Variants in SFXN5 observed in about 807,000 individuals in gnomAD.
SFXN5 encodes sideroflexin-5.
A neutral mutation model predicts 50.2 loss-of-function variants in SFXN5; 43 were observed. The observed-to-expected ratio is 0.86, with a 90% confidence interval of 0.67 to 1.11. The LOEUF (loss-of-function observed/expected upper bound fraction) is 1.11, where lower values mean the gene tolerates loss of function less well. Ranked by LOEUF, SFXN5 falls within the 50% of genes least tolerant of loss-of-function variation. The pLI, the probability that SFXN5 is intolerant of heterozygous loss-of-function variation, is 0.00. For missense variants in SFXN5, 463 were observed against 454.1 expected, an observed-to-expected ratio of 1.02 and a Z score of -0.18; for synonymous variants, 203 against 185.8, an observed-to-expected ratio of 1.09 and a Z score of -0.75.
At chr2:73,047,267 T>C (rs1318358547) in intron 2 of SFXN5, among the ~76,000 whole-genome samples, 81 of 77,572 alleles carry the variant, frequency 1.0e-3, no homozygotes, top group African/African-American at 4.5e-3. Flanking sequence ...TATATATATA[T>C]ATATATATAC....
At chr2:73,037,420 G>A (rs1039580701) in intron 3 of SFXN5, among the ~76,000 whole-genome samples, 4 of 152,166 alleles carry the variant, frequency 2.6e-5, no homozygotes, top group African/African-American at 7.2e-5. Flanking sequence ...GAAAACCTAC[G>A]TGTCAGCCTA....
At chr2:73,071,555 G>T in intron 1 of SFXN5, 49 bp downstream of exon 1, 1 of 1,562,500 alleles carries the variant, frequency 6.4e-7, no homozygotes, top group Non-Finnish European at 8.7e-7. Context: ...GAGTTTGCTC[G>T]TCCTCTCTTT....
intron 3 of SFXN5, among the ~76,000 whole-genome samples, chr2:73,038,424 A>G: frequency 6.6e-6 from 1 of 152,212 alleles, no homozygotes; most frequent in East Asian, 1.9e-4. Context: ...GGCCTAGGTC[A>G]TTACCGTACA....
At chr2:73,051,212 A>G (rs1019679442) in intron 2 of SFXN5, among the ~76,000 whole-genome samples, 1 of 147,238 alleles carries the variant, frequency 6.8e-6, no homozygotes, top group African/African-American at 2.5e-5. Context: ...CCTCATCTGA[A>G]TTGCCTTTAT....
intron 2 of SFXN5, among the ~76,000 whole-genome samples, chr2:73,047,271 T>TACACAC (rs1559199861): frequency 4.5e-4 from 32 of 71,124 alleles, no homozygotes; most frequent in Non-Finnish European, 7.1e-4. Flanking sequence ...TATATATATA[T>TACACAC]ATATACACAC....
At chr2:73,062,848 T>A (rs1270897129) in intron 1 of SFXN5, among the ~76,000 whole-genome samples, 2 of 152,146 alleles carry the variant, frequency 1.3e-5, no homozygotes, top group Non-Finnish European at 2.9e-5. Flanking sequence ...AAGGGATGGA[T>A]GAGTTTACCT....
chr2:73,046,285 T>C (rs755845736), intron 2 of SFXN5, among the ~76,000 whole-genome samples: 44 of 151,884 alleles, frequency 2.9e-4, no homozygotes, highest in Admixed American at 6.6e-5. Context: ...GGCACACACC[T>C]GTAGTCCCAG....
At chr2:72,988,680 G>C (rs190610072) in intron 9 of SFXN5, among the ~76,000 whole-genome samples, 21 of 152,246 alleles carry the variant, frequency 1.4e-4, no homozygotes, top group African/African-American at 4.6e-4. Flanking sequence ...ATAGGATGCT[G>C]TGGCAGTTGC....
At chr2:72,999,874 A>C (rs540001569) in intron 8 of SFXN5, among the ~76,000 whole-genome samples, 1 of 152,186 alleles carries the variant, frequency 6.6e-6, no homozygotes, top group Non-Finnish European at 1.5e-5. Flanking sequence ...GCAGGGGCCC[A>C]GCAGCCCTTC....
At chr2:72,991,388 C>A (rs771480797) in intron 9 of SFXN5, among the ~76,000 whole-genome samples, 7 of 152,262 alleles carry the variant, frequency 4.6e-5, no homozygotes, top group Non-Finnish European at 7.3e-5. Flanking sequence ...AACGTGCCTG[C>A]GCCCAAGAAA....
intron 13 of SFXN5, among the ~76,000 whole-genome samples, chr2:72,946,883 C>G (rs752487932): frequency 1.2e-4 from 19 of 152,168 alleles, no homozygotes; most frequent in Non-Finnish European, 2.5e-4. Context: ...GTCAGACTCC[C>G]GCGCCACCCT....
chr2:73,057,489 G>A (rs1028892372), intron 2 of SFXN5, among the ~76,000 whole-genome samples: 2 of 152,182 alleles, frequency 1.3e-5, no homozygotes, highest in African/African-American at 4.8e-5. Context: ...CCTGCATACT[G>A]TAGGATTCCA....
At chr2:73,068,524 G>C (rs1164808954) in intron 1 of SFXN5, among the ~76,000 whole-genome samples, 1 of 152,078 alleles carries the variant, frequency 6.6e-6, no homozygotes, top group Non-Finnish European at 1.5e-5. Flanking sequence ...AGATCCCTAA[G>C]GGACAATTTG....
chr2:72,990,478 G>A (rs1383189855), intron 9 of SFXN5, among the ~76,000 whole-genome samples: 1 of 152,170 alleles, frequency 6.6e-6, no homozygotes, highest in Non-Finnish European at 1.5e-5. Context: ...AGTGTGGGAG[G>A]AAGCTGGAGG....
Position 73,071,711 on chromosome 2 carries a change from C to G in SFXN5, c.-6G>C, listed in dbSNP as rs774805520. 2 of 1,611,288 alleles carry G rather than the reference C, an allele frequency of 1.2e-6. No individual in the cohort carries two copies. The highest frequency in any genetic ancestry group is 3.3e-5 in the Admixed American group (2 of 59,880). ...GTAGTCGCTGTATCCGCCATGGCCACTGACGCCCGCAATCTCCGGCCCTTT... is the reference window on the plus strand; with the variant it reads ...GTAGTCGCTGTATCCGCCATGGCCAGTGACGCCCGCAATCTCCGGCCCTTT... On this transcript the variant is annotated 5_prime_UTR_variant, in exon 1 of 14. Coordinates refer to ENST00000272433, the MANE Select transcript of SFXN5 (RefSeq NM_144579.3).
At chr2:73,040,736 T>C in intron 3 of SFXN5, 118 bp downstream of exon 3, 1 of 728,974 alleles carries the variant, frequency 1.4e-6, no homozygotes, top group Admixed American at 2.8e-5. Flanking sequence ...CAGGGGTATG[T>C]ACCAGCAGAA....
chr2:72,977,237 T>C (rs747919171), intron 10 of SFXN5, among the ~76,000 whole-genome samples: 5 of 152,204 alleles, frequency 3.3e-5, no homozygotes, highest in Non-Finnish European at 5.9e-5. Flanking sequence ...GGAAGCACCC[T>C]GGATGCCCCG....
intron 2 of SFXN5, among the ~76,000 whole-genome samples, chr2:73,043,616 A>G (rs1402538737): frequency 6.6e-6 from 1 of 152,170 alleles, no homozygotes; most frequent in African/African-American, 2.4e-5. Context: ...CCAAATATGG[A>G]AGGGCCTAGC....
At position 72,961,003 on chromosome 2, in the gene SFXN5, C is replaced by A. The variant is rs543228570; in HGVS notation, c.945+128G>T. The A allele has an allele frequency of 4.2e-4, 248 of 589,512 alleles. No homozygotes were observed. The African/African-American group carries it at 4.6e-3, about 11-fold the overall frequency. 36.5% of individuals were successfully genotyped at this position (589,512 alleles called of 1,614,324 possible). A position where few individuals can be genotyped will look rare whatever the true frequency, so the allele number is the denominator to read the frequency against. ...CTCTGAGGGCCAGAGCCTGGGCCAG[C>A]CTCATTCACGGTTCCAGCCCCAGCG... On this transcript the variant is annotated intron_variant, in intron 13 of 13. Transcript: ENST00000272433. This position sits in a 1 kb window ranked among gnomAD's most constrained non-coding sequence, Gnocchi z 4.4.
Sources: allele counts gnomAD v4.1 joint callset (sites outside exome capture counted in the v4.1 genomes callset), GRCh38; gene constraint gnomAD v4.1.1; non-coding constraint Gnocchi (gnomAD v3.1); transcripts MANE v1.5; gene names NCBI Gene and HGNC (gene_info 2026-07-23, HGNC 2026-07-21).